Variants in RBFOX1 observed in about 807,000 individuals in gnomAD.
RBFOX1 encodes RNA binding fox-1 homolog 1, also known as RNA binding protein fox-1 homolog 1.
Under a neutral mutation model 57.7 loss-of-function variants are expected in RBFOX1, and 8 were observed. The observed-to-expected ratio is 0.14, with a 90% CI of 0.08 to 0.25. RBFOX1 has a LOEUF of 0.25. Among genes scored for constraint, RBFOX1 ranks in the 10% least tolerant of loss-of-function variants. The pLI is 1.00. For synonymous variants in RBFOX1, 326 were observed against 222.4 expected (o/e 1.47, Z -4.15); for missense variants, 611 against 548.5 (o/e 1.11, Z -1.14).
chr16:5,517,930 CTGTGTGTGTGTGTGTG>C (rs71404527), intron 2 of RBFOX1, among the ~76,000 whole-genome samples: 6 of 144,182 alleles, frequency 4.2e-5, no homozygotes, highest in Non-Finnish European at 6.1e-5. Context: ...GCAAAAGCTA[CTGTGTGTGTGTGTGTG>C]TGTGTGTGTG....
intron 5 of RBFOX1, among the ~76,000 whole-genome samples, chr16:7,572,828 G>C (rs970925848): frequency 2.4e-5 from 2 of 83,272 alleles, no homozygotes; most frequent in East Asian, 4.1e-4. Context: ...AACAGAGTGA[G>C]AGTCTCTCTC....
At chr16:7,518,823 G>C (rs192781043) in intron 5 of RBFOX1, among the ~76,000 whole-genome samples, 3 of 152,286 alleles carry the variant, frequency 2.0e-5, no homozygotes, top group Admixed American at 2.0e-4. Flanking sequence ...AGGAGTTCGA[G>C]AATAGCCTGG....
At chr16:7,663,674 C>A (rs776897801) in intron 12 of RBFOX1, among the ~76,000 whole-genome samples, 10 of 152,068 alleles carry the variant, frequency 6.6e-5, no homozygotes, top group Non-Finnish European at 1.0e-4. Flanking sequence ...CTCATTGGTC[C>A]TTTGCCAGAA....
chr16:6,504,088 C>T (rs1375859070), intron 2 of RBFOX1, among the ~76,000 whole-genome samples: 2 of 151,906 alleles, frequency 1.3e-5, no homozygotes, highest in African/African-American at 4.8e-5. Flanking sequence ...CTTTTTTGTT[C>T]CTTCAGTGAA....
chr16:6,853,797 C>T (rs984997605), intron 3 of RBFOX1, among the ~76,000 whole-genome samples: 1 of 152,050 alleles, frequency 6.6e-6, no homozygotes, highest in Non-Finnish European at 1.5e-5. Context: ...AAGAAACCAC[C>T]GAGGGGTAAT....
intron 1 of RBFOX1, among the ~76,000 whole-genome samples, chr16:5,328,652 A>ATGCT (rs1376205794): frequency 6.6e-6 from 1 of 152,114 alleles, no homozygotes; most frequent in Non-Finnish European, 1.5e-5. Flanking sequence ...ATCTAATGAG[A>ATGCT]TGCTCTCCAG....
intron 3 of RBFOX1, among the ~76,000 whole-genome samples, chr16:6,898,043 C>A (rs992762696): frequency 1.3e-5 from 2 of 152,256 alleles, no homozygotes; most frequent in African/African-American, 2.4e-5. Flanking sequence ...TCCTTTTCCT[C>A]GGTGTTTATA....
chr16:6,478,412 TATATATATATA>T lies in RBFOX1; in HGVS notation c.-64+161356_-64+161366del, dbSNP rs2095311625. 9.6e-4 allele frequency among the ~76,000 whole-genome samples: 23 copies of T among 24,056 alleles called. 1 individual carries two copies. The highest frequency in any genetic ancestry group is 1.3e-3 in the African/African-American group (6 of 4,466). The allele number at this position is 24,056 out of a possible 152,430, so 15.8% of individuals were successfully genotyped here. A position where few individuals can be genotyped will look rare whatever the true frequency, so the allele number is the denominator to read the frequency against. The stretch of plus-strand genomic sequence containing the variant: ...TAATATATATATATATATATATATA[TATATATATATA>T]TATATATTTTTTTTTTTTTTTTTTG... On this transcript the variant is annotated intron_variant, in intron 2 of 15. Coordinates refer to ENST00000550418, the MANE Select transcript of RBFOX1 (RefSeq NM_018723.4).
intron 5 of RBFOX1, among the ~76,000 whole-genome samples, chr16:7,551,111 A>G (rs1024512994): frequency 4.0e-5 from 6 of 151,108 alleles, no homozygotes; most frequent in Middle Eastern, 3.4e-3. Flanking sequence ...AAAAAGAAAA[A>G]AAAAGAATAT....
At chr16:7,342,089 G>A (rs779689159) in intron 4 of RBFOX1, among the ~76,000 whole-genome samples, 3 of 152,036 alleles carry the variant, frequency 2.0e-5, no homozygotes, top group Non-Finnish European at 4.4e-5. Context: ...CTTATTTCCT[G>A]AGGCAGCACA....
intron 4 of RBFOX1, among the ~76,000 whole-genome samples, chr16:7,297,436 A>G (rs975847717): frequency 1.3e-5 from 2 of 152,064 alleles, no homozygotes; most frequent in African/African-American, 2.4e-5. Context: ...TTTTATTTTG[A>G]TTTCTGACAT....
chr16:6,944,677 G>C (rs951939366), intron 3 of RBFOX1, among the ~76,000 whole-genome samples: 1 of 152,124 alleles, frequency 6.6e-6, no homozygotes, highest in African/African-American at 2.4e-5. Flanking sequence ...GCAGGAACCT[G>C]GGCTGATTTC....
Position 6,997,260 on chromosome 16 carries a change from C to T in RBFOX1, c.-15-54797C>T, listed in dbSNP as rs911207552. On this transcript the variant is annotated intron_variant, in intron 3 of 15. Transcript: ENST00000550418. ...AGACTAGAGTGATTTGACTCAACTT[C>T]TCCTTCTAGTAAAAAAAAGTCTGCC... Among the ~76,000 whole-genome samples, 3 of 150,928 alleles carry T rather than the reference C, an allele frequency of 2.0e-5. No individual in the cohort carries two copies. The South Asian group carries it at 6.2e-4, about 31-fold the overall frequency.
chr16:5,449,380 C>G (rs1401827479), intron 1 of RBFOX1, among the ~76,000 whole-genome samples: 2 of 152,212 alleles, frequency 1.3e-5, no homozygotes, highest in Non-Finnish European at 2.9e-5. Context: ...CAGAATTGTG[C>G]TTCTTTCCTT....
intron 4 of RBFOX1, among the ~76,000 whole-genome samples, chr16:7,276,360 C>G (rs939424601): frequency 6.6e-6 from 1 of 152,172 alleles, no homozygotes; most frequent in Non-Finnish European, 1.5e-5. Flanking sequence ...TTGCTTGTGT[C>G]TTAGGACAGA....
intron 1 of RBFOX1, among the ~76,000 whole-genome samples, chr16:5,445,629 C>A (rs1048779005): frequency 1.1e-4 from 17 of 152,214 alleles, no homozygotes; most frequent in African/African-American, 4.1e-4. Flanking sequence ...ACGCTATACT[C>A]ATCTCCCAAT....
At chr16:5,558,236 G>A (rs1251295193) in intron 2 of RBFOX1, among the ~76,000 whole-genome samples, 2 of 152,168 alleles carry the variant, frequency 1.3e-5, no homozygotes, top group Non-Finnish European at 2.9e-5. Context: ...GGTCTGTTGA[G>A]CTGATTAACA....
At chr16:5,769,300 G>C (rs551672720) in intron 3 of RBFOX1, among the ~76,000 whole-genome samples, 138 of 152,008 alleles carry the variant, frequency 9.1e-4, no homozygotes, top group Non-Finnish European at 1.6e-3. Context: ...TAAAAATCAG[G>C]TCATTAGGGT....
At chr16:7,670,484 G>C (rs920868307) in intron 13 of RBFOX1, among the ~76,000 whole-genome samples, 3 of 152,174 alleles carry the variant, frequency 2.0e-5, no homozygotes, top group Non-Finnish European at 4.4e-5. Flanking sequence ...AGCAATATTT[G>C]AAAAGTACGG....
Sources: allele counts gnomAD v4.1 joint callset (sites outside exome capture counted in the v4.1 genomes callset), GRCh38; gene constraint gnomAD v4.1.1; transcripts MANE v1.5; gene names NCBI Gene and HGNC (gene_info 2026-07-23, HGNC 2026-07-21).